TRHDE: variants seen among roughly 807,000 people sequenced by gnomAD.
TRHDE encodes the protein thyrotropin releasing hormone degrading enzyme, also known as thyrotropin-releasing hormone-degrading ectoenzyme.
TRHDE carries 72 observed loss-of-function variants against 125.7 expected under a neutral mutation model. The observed-to-expected ratio is 0.57, with a 90% CI of 0.47 to 0.70. The LOEUF (loss-of-function observed/expected upper bound fraction) is 0.70. Among genes scored for constraint, TRHDE ranks in the 30% least tolerant of loss-of-function variants. The probability of loss-of-function intolerance (pLI) is 0.00; values close to 1 mark genes in which losing one functional copy is unlikely to be tolerated. For missense variants in TRHDE, 1,110 were observed against 1,327.1 expected, an observed-to-expected ratio of 0.84 and a Z score of 2.54; for synonymous variants, 509 against 509.1, an observed-to-expected ratio of 1.00 and a Z score of 0.00.
At chr12:72,311,455 G>A (rs879348339) in intron 2 of TRHDE, among the ~76,000 whole-genome samples, 3 of 152,124 alleles carry the variant, frequency 2.0e-5, no homozygotes, top group Non-Finnish European at 4.4e-5. Context: ...GAGCAGCTAG[G>A]GCTAGTGGTG....
intron 2 of TRHDE, among the ~76,000 whole-genome samples, chr12:72,227,184 T>G (rs1397387017): frequency 1.3e-5 from 2 of 152,168 alleles, no homozygotes; most frequent in Non-Finnish European, 2.9e-5. Context: ...AAGTATTATA[T>G]ATGTGTATTA....
intron 12 of TRHDE, among the ~76,000 whole-genome samples, chr12:72,606,327 A>G (rs933545850): frequency 6.6e-6 from 1 of 152,174 alleles, no homozygotes; most frequent in Admixed American, 6.6e-5. Flanking sequence ...TAAGGGGAAA[A>G]TGAATGTGCT....
At chr12:72,296,392 G>C (rs932676934) in intron 2 of TRHDE, among the ~76,000 whole-genome samples, 1 of 152,228 alleles carries the variant, frequency 6.6e-6, no homozygotes, top group African/African-American at 2.4e-5. Flanking sequence ...AGGAGCAAAG[G>C]TTTACCACTA....
At chr12:72,483,133 C>CTT (rs1447348588) in intron 5 of TRHDE, among the ~76,000 whole-genome samples, 88 of 147,144 alleles carry the variant, frequency 6.0e-4, no homozygotes, top group African/African-American at 2.1e-3. Context: ...TGCCTCCTCC[C>CTT]TTTTTTTTTT....
chr12:72,297,218 G>A lies in TRHDE; in HGVS notation c.1188+10264G>A, dbSNP rs181006003. Among the ~76,000 whole-genome samples the A allele has an allele frequency of 1.7e-3, 262 of 152,230 alleles. 1 individual carries two copies. The highest frequency in any genetic ancestry group is 4.4e-3 in the South Asian group (21 of 4,810). On this transcript the variant is annotated intron_variant, in intron 2 of 18. Coordinates refer to ENST00000261180, the MANE Select transcript of TRHDE (RefSeq NM_013381.3). ...ATTGGAATCATTGGCCATGGTACCC[G>A]GAGAAGCAGGGAGGCAAGTGAACCC...
In TRHDE at chr12:72,342,749, A is replaced by G. The variant is rs569807010; in HGVS notation, c.1189-35246A>G. 5.9e-5 allele frequency among the ~76,000 whole-genome samples: 9 copies of G among 152,254 alleles called. No individual in the cohort carries two copies. In the South Asian group the frequency reaches 1.5e-3, roughly 25 times the overall value. On this transcript the variant is annotated intron_variant, in intron 2 of 18. Transcript: ENST00000261180. ...ACACATTCATTGATTTTCTTTCTTC[A>G]CTATAATGTTGTGTAATATAGTTTT...
chr12:72,228,069 C>T (rs980917703), intron 2 of TRHDE, among the ~76,000 whole-genome samples: 1 of 152,194 alleles, frequency 6.6e-6, no homozygotes, highest in African/African-American at 2.4e-5. Context: ...ATCTACCATT[C>T]TGGTGTCTGC....
Position 72,240,765 on chromosome 12 carries a change from G to T in TRHDE, n.279+135013G>T, listed in dbSNP as rs557495658. On this transcript the variant is annotated intron_variant and non_coding_transcript_variant, in intron 2 of 4. Transcript: ENST00000548156. ...CTTTTTGTATTTTTAATAGATACTG[G>T]GTTTCACCGTGTTAGCCAGGATGGT... Among the ~76,000 whole-genome samples the T allele has an allele frequency of 2.0e-5, 3 of 152,070 alleles. No homozygotes were observed. In the South Asian group the frequency reaches 6.3e-4, roughly 32 times the overall value.
intron 6 of TRHDE, among the ~76,000 whole-genome samples, chr12:72,505,607 G>A (rs994210165): frequency 4.6e-5 from 7 of 152,156 alleles, no homozygotes; most frequent in Non-Finnish European, 1.0e-4. Context: ...TTCTTATGTC[G>A]TGGTTAGTAT....
chr12:72,119,057 CTTTA>C (rs929035760), intron 2 of TRHDE, among the ~76,000 whole-genome samples: 1 of 151,666 alleles, frequency 6.6e-6, no homozygotes, highest in Non-Finnish European at 1.5e-5. Flanking sequence ...CTGTTCTGAT[CTTTA>C]TTTATTTTTT....
At chr12:72,106,527 TAAAG>T (rs1342305457) in intron 2 of TRHDE, among the ~76,000 whole-genome samples, 1 of 152,114 alleles carries the variant, frequency 6.6e-6, no homozygotes, top group African/African-American at 2.4e-5. Flanking sequence ...TAAATGTAGT[TAAAG>T]AAGCTCAATA....
chr12:72,167,341 G>A (rs1006091774), intron 2 of TRHDE, among the ~76,000 whole-genome samples: 2 of 152,140 alleles, frequency 1.3e-5, no homozygotes, highest in African/African-American at 4.8e-5. Flanking sequence ...TGCCTTGGTA[G>A]TCTGGTGGTA....
intron 2 of TRHDE, among the ~76,000 whole-genome samples, chr12:72,307,239 A>C (rs765361826): frequency 1.3e-5 from 2 of 151,954 alleles, no homozygotes; most frequent in African/African-American, 4.8e-5. Flanking sequence ...CTGCTCACTG[A>C]AACCTGAAAC....
chr12:72,171,518 G>A (rs1223462292), intron 2 of TRHDE, among the ~76,000 whole-genome samples: 1 of 152,208 alleles, frequency 6.6e-6, no homozygotes, highest in Non-Finnish European at 1.5e-5. Context: ...AGGGGAGATT[G>A]GTGGACAAAA....
Position 72,286,877 on chromosome 12 carries a change from C to G in TRHDE, c.1111C>G (p.Leu371Val), listed in dbSNP as rs201997503. 1 of 1,613,808 alleles carries G rather than the reference C, an allele frequency of 6.2e-7. No individual in the cohort carries two copies. Among genetic ancestry groups the G allele is most frequent in the Admixed American group, 1.7e-5 (1 of 59,964 alleles). Residue 371 changes from leucine to valine, a missense_variant, in exon 2 of 19, where the codon CTC becomes GTC. Physicochemically the swap from Leu to Val is conservative, Grantham distance 32. This residue lies in a region of TRHDE where 252 missense variants were observed against 274.8 expected (regional missense o/e 0.92). Transcript: ENST00000261180. Reference sequence around the variant, plus strand: ...TACGGATCACTTTTCACAGACCCCTCTCATGTCCACATATTATTTAGCCTG... The same window carrying G: ...TACGGATCACTTTTCACAGACCCCTGTCATGTCCACATATTATTTAGCCTG... ...WVTDHFSQTP[L>V]MSTYYLAWAI...
intron 12 of TRHDE, chr12:72,582,101 CAAAAAA>C (rs35550066): frequency 3.2e-4 from 19 of 59,560 alleles, no homozygotes; most frequent in Non-Finnish European, 4.1e-4. Context: ...GACTCCGTCT[CAAAAAA>C]AAAAAAAAAA....
rs367662480 is a variant in TRHDE, at chr12:72,319,943, A to G, written c.1188+32989A>G. Among the ~76,000 whole-genome samples, 10 of 152,232 alleles carry G rather than the reference A, an allele frequency of 6.6e-5. No homozygotes were observed. The South Asian group carries it at 2.1e-3, about 32-fold the overall frequency. On this transcript the variant is annotated intron_variant, in intron 2 of 18. Coordinates refer to ENST00000261180, the MANE Select transcript of TRHDE (RefSeq NM_013381.3). ...TGCTAGGAAGCTCAGAGTAAAATAT[A>G]TGGTACCTACTAAAGCATCTGATAA...
At chr12:72,093,982 A>G (rs1874850948) in intron 1 of TRHDE, among the ~76,000 whole-genome samples, 1 of 152,044 alleles carries the variant, frequency 6.6e-6, no homozygotes, top group African/African-American at 2.4e-5. Context: ...GCAGGTAAAG[A>G]CCTTCTGTCA....
chr12:72,111,046 C>T (rs1349922744), intron 2 of TRHDE, among the ~76,000 whole-genome samples: 2 of 152,256 alleles, frequency 1.3e-5, no homozygotes, highest in East Asian at 1.9e-4. Flanking sequence ...AAGTCAACTT[C>T]GCCAGTCGGT....
Sources: gnomAD v4.1 joint callset for allele counts (sites outside exome capture counted in the v4.1 genomes callset) on GRCh38, gnomAD v4.1.1 for gene constraint, gnomAD v4.1.1 regional missense constraint, MANE v1.5 for transcripts, NCBI Gene and HGNC (gene_info 2026-07-23, HGNC 2026-07-21) for gene names.